Variants in BICRA observed in about 807,000 individuals in gnomAD.
BICRA encodes BRD4-interacting chromatin-remodeling complex-associated protein.
BICRA carries 31 observed loss-of-function variants against 96.9 expected under a neutral mutation model. The ratio of observed to expected loss-of-function variants is 0.32; its 90% CI spans 0.24 to 0.43. The LOEUF is 0.43. Ranked by LOEUF, BICRA falls within the 20% of genes least tolerant of loss-of-function variation. The pLI, the probability that BICRA is intolerant of heterozygous loss-of-function variation, is 1.00. For synonymous variants in BICRA, 1,350 were observed against 1,071.8 expected (o/e 1.26, Z -5.07); for missense variants, 2,283 against 2,190.3 (o/e 1.04, Z -0.84).
At chr19:47,631,242 T>G (rs1972217914) in intron 1 of BICRA, among the ~76,000 whole-genome samples, 1 of 152,034 alleles carries the variant, frequency 6.6e-6, no homozygotes, top group South Asian at 2.1e-4. Flanking sequence ...TATTTTATTT[T>G]TTTGAGACTG....
At chr19:47,638,983 G>A (rs1014526614) in intron 1 of BICRA, among the ~76,000 whole-genome samples, 14 of 151,648 alleles carry the variant, frequency 9.2e-5, no homozygotes, top group African/African-American at 2.7e-4. Context: ...TACCATTCTG[G>A]CCTTTGTTTT....
At chr19:47,685,786 T>TGTGTGTGC in intron 7 of BICRA, among the ~76,000 whole-genome samples, 3,586 of 117,748 alleles carry the variant, frequency 0.03, 90 homozygotes, top group East Asian at 0.096. Flanking sequence ...TGTGTGTGTG[T>TGTGTGTGC]GCGCGCGCGC....
intron 1 of BICRA, among the ~76,000 whole-genome samples, chr19:47,628,112 C>G (rs1020666278): frequency 6.6e-6 from 1 of 152,116 alleles, no homozygotes; most frequent in Non-Finnish European, 1.5e-5. Context: ...GAGTGACTGG[C>G]ACATGACAAC....
At chr19:47,610,937 A>G (rs976639234) in intron 1 of BICRA, among the ~76,000 whole-genome samples, 1 of 152,104 alleles carries the variant, frequency 6.6e-6, no homozygotes, top group African/African-American at 2.4e-5. Flanking sequence ...CCCGCTCAAG[A>G]TGGAAATATT....
rs780757390 is a variant in BICRA, at chr19:47,680,871, C to A, written c.1701C>A (p.Pro567=). The change falls in exon 6 of 15, where the codon CCC becomes CCA. Residue 567 remains proline, a synonymous_variant. Transcript: ENST00000594866. The stretch of plus-strand genomic sequence containing the variant: ...TGTCGCTGGCGGCGGGCAGCCTGCC[C>A]ACGCAGAGCCAGCCAGCGCCCGCCG... The part of the protein sequence containing the change: ...MPVSLAAGSL[P]TQSQPAPAGP... The A allele has an allele frequency of 6.6e-7, 1 of 1,520,492 alleles. No individual in the cohort carries two copies. Among genetic ancestry groups the A allele is most frequent in the Non-Finnish European group, 8.7e-7 (1 of 1,144,732 alleles). The allele number at this position is 1,520,492 out of a possible 1,614,324, so 94.2% of individuals were successfully genotyped here. A position where few individuals can be genotyped will look rare whatever the true frequency, so the allele number is the denominator to read the frequency against.
chr19:47,621,771 A>C (rs1972068597), intron 1 of BICRA, among the ~76,000 whole-genome samples: 2 of 150,702 alleles, frequency 1.3e-5, no homozygotes, highest in Admixed American at 6.6e-5. Context: ...ACCCGGCCTG[A>C]ATTGAGAGAC....
At chr19:47,611,877 T>C (rs1971912425) in intron 1 of BICRA, among the ~76,000 whole-genome samples, 1 of 151,984 alleles carries the variant, frequency 6.6e-6, no homozygotes, top group Non-Finnish European at 1.5e-5. Context: ...CATTTAATTT[T>C]TTTTTTTTTT....
In BICRA at chr19:47,701,820, T is replaced by C. The variant is rs1238110508; in HGVS notation, c.4088T>C (p.Val1363Ala). 1.3e-6 allele frequency: 2 copies of C among 1,530,778 alleles called. No individual in the cohort carries two copies. The highest frequency in any genetic ancestry group is 1.8e-6 in the Non-Finnish European group (2 of 1,142,550). The allele number at this position is 1,530,778 out of a possible 1,614,324, so 94.8% of individuals were successfully genotyped here. Residue 1363 changes from valine (V) to alanine (A), a missense_variant, in exon 15 of 15, where the codon GTG becomes GCG. Transcript: ENST00000594866. The surrounding 1 kb of genome is among the most constrained non-coding windows in gnomAD (Gnocchi z 5.4). ...CCCACGGGCCAGATGAACGGCACGG[T>C]GGACCACCCGCCGCCTGCCGCCCCC... ...PPPTGQMNGTVDHPPPAAPER... is the reference protein window; with the variant it reads ...PPPTGQMNGTADHPPPAAPER...
chr19:47,697,419 T>A lies in BICRA; in HGVS notation c.3248+907T>A, dbSNP rs1015502358. Among the ~76,000 whole-genome samples the A allele has an allele frequency of 4.6e-5, 7 of 152,122 alleles. No homozygotes were observed. The South Asian group carries it at 1.2e-3, about 27-fold the overall frequency. ...TCACCCAAAAAAAAAAAATTTTTTTTTATATATATTGTGGAGACAAGGTCT... is the reference window on the plus strand; with the variant it reads ...TCACCCAAAAAAAAAAAATTTTTTTATATATATATTGTGGAGACAAGGTCT... On this transcript the variant is annotated intron_variant, in intron 11 of 14. Coordinates refer to ENST00000594866, the MANE Select transcript of BICRA (RefSeq NM_001394372.1).
In BICRA at chr19:47,689,159, A is replaced by G. The variant is rs888061959; in HGVS notation, c.2284-4956A>G. Among the ~76,000 whole-genome samples the G allele has an allele frequency of 2.6e-5, 4 of 152,088 alleles. No individual in the cohort carries two copies. In the South Asian group the frequency reaches 6.2e-4, roughly 24 times the overall value. On this transcript the variant is annotated intron_variant, in intron 7 of 14. Transcript: ENST00000594866. ...GTTTTTTCTAAGACAAATATTGTAG[A>G]AGAAGTAATATTTTGGTATGAAGTT... is the stretch of plus-strand genomic sequence containing the variant.
At chr19:47,656,418 G>A (rs1972619907) in intron 1 of BICRA, among the ~76,000 whole-genome samples, 1 of 152,174 alleles carries the variant, frequency 6.6e-6, no homozygotes, top group Non-Finnish European at 1.5e-5. Context: ...ACACACATAA[G>A]CCAAGGTTTT....
chr19:47,699,286 C>CT lies in BICRA; in HGVS notation c.3493-13dup. 1 of 1,481,482 alleles carries CT rather than the reference C, an allele frequency of 6.7e-7. No homozygotes were observed. Among genetic ancestry groups the CT allele is most frequent in the Non-Finnish European group, 9.2e-7 (1 of 1,081,946 alleles). The allele number at this position is 1,481,482 out of a possible 1,614,324, so 91.8% of individuals were successfully genotyped here. On this transcript the variant is annotated splice_polypyrimidine_tract_variant and intron_variant, in intron 13 of 14. Coordinates refer to ENST00000594866, the MANE Select transcript of BICRA (RefSeq NM_001394372.1). The surrounding 1 kb of genome is among the most constrained non-coding windows in gnomAD (Gnocchi z 5.0). ...TCTTGCTGGTTCACTCGCACGTCGT[C>CT]TTTTCCCCCACCCCAGAGGGTGAGC...
At chr19:47,672,615 G>A (rs1282568518) in intron 2 of BICRA, among the ~76,000 whole-genome samples, 2 of 151,974 alleles carry the variant, frequency 1.3e-5, no homozygotes, top group African/African-American at 4.8e-5. Context: ...AGGGAAGGGA[G>A]GGATGTTTTG....
chr19:47,611,394 GGT>G (rs1971904976), intron 1 of BICRA, among the ~76,000 whole-genome samples: 1 of 152,162 alleles, frequency 6.6e-6, no homozygotes, highest in South Asian at 2.1e-4. Flanking sequence ...GAGAACTGAA[GGT>G]GTGTGAGGAG....
rs1330169306 is a variant in BICRA at position 47,701,932 on chromosome 19, G to A, written c.4200G>A (p.Ala1400=). Residue 1400 remains alanine (A), a synonymous_variant, in exon 15 of 15, where the codon GCG becomes GCA. Transcript: ENST00000594866. This position sits in a 1 kb window ranked among gnomAD's most constrained non-coding sequence, Gnocchi z 5.4. ...GCGAGAACGTGGGGGGCCCTGGCGC[G>A]CCGGAGGGGACGCCCGCAGGCAGGG... is the stretch of plus-strand genomic sequence containing the variant. ...TYRENVGGPG[A]PEGTPAGRAR... The A allele has an allele frequency of 3.5e-6, 5 of 1,433,748 alleles. No individual in the cohort carries two copies. Among genetic ancestry groups the A allele is most frequent in the Admixed American group, 3.1e-5 (1 of 32,230 alleles). The allele number at this position is 1,433,748 out of a possible 1,614,324, so 88.8% of individuals were successfully genotyped here. A position where few individuals can be genotyped will look rare whatever the true frequency, so the allele number is the denominator to read the frequency against.
In BICRA at chr19:47,634,145, C is replaced by T. The variant is rs150790272; in HGVS notation, c.-108+24977C>T. Among the ~76,000 whole-genome samples, 577 of 152,280 alleles carry T rather than the reference C, an allele frequency of 3.8e-3. 1 individual carries two copies. The highest frequency in any genetic ancestry group is 4.0e-3 in the Non-Finnish European group (269 of 68,012). ...ACTCAGCTCTCCAGTCCTTGCCAGA[C>T]GAGTGAGAATGAGCAGTGGCGTCAG... is the stretch of plus-strand genomic sequence containing the variant. On this transcript the variant is annotated intron_variant, in intron 1 of 14. Transcript: ENST00000594866.
chr19:47,696,153 G>T (rs1477651196), intron 10 of BICRA, among the ~76,000 whole-genome samples: 10 of 152,136 alleles, frequency 6.6e-5, no homozygotes, highest in Admixed American at 3.9e-4. Context: ...GCAGGCATCC[G>T]GCAGAGGAGG....
In BICRA at chr19:47,680,644, A is replaced by C; in HGVS notation, c.1474A>C (p.Asn492His). Reference protein sequence around the residue: ...LPQQLSALPANVGGQILAAAA... With the variant: ...LPQQLSALPAHVGGQILAAAA... ...GCAGCAGCTCTCAGCCCTGCCGGCCAACGTGGGCGGGCAGATCCTGGCGGC... is the reference window on the plus strand; with the variant it reads ...GCAGCAGCTCTCAGCCCTGCCGGCCCACGTGGGCGGGCAGATCCTGGCGGC... Residue 492 changes from asparagine to histidine, a missense_variant, in exon 6 of 15, where the codon AAC becomes CAC. By Grantham distance (68) the Asn-to-His change is moderately conservative. Transcript: ENST00000594866. 6.2e-7 allele frequency: 1 copy of C among 1,609,288 alleles called. No individual in the cohort carries two copies. The highest frequency in any genetic ancestry group is 8.5e-7 in the Non-Finnish European group (1 of 1,178,070).
chr19:47,701,818 G>T lies in BICRA; in HGVS notation c.4086G>T (p.Thr1362=). 1 of 1,532,698 alleles carries T rather than the reference G, an allele frequency of 6.5e-7. No homozygotes were observed. The allele number at this position is 1,532,698 out of a possible 1,614,324, so 94.9% of individuals were successfully genotyped here. The change falls in exon 15 of 15, where the codon ACG becomes ACT. Residue 1362 remains threonine (T), a synonymous_variant. Coordinates refer to ENST00000594866, the MANE Select transcript of BICRA (RefSeq NM_001394372.1). The surrounding 1 kb of genome is among the most constrained non-coding windows in gnomAD (Gnocchi z 5.4). Reference sequence around the variant, plus strand: ...CGCCCACGGGCCAGATGAACGGCACGGTGGACCACCCGCCGCCTGCCGCCC... The same window carrying T: ...CGCCCACGGGCCAGATGAACGGCACTGTGGACCACCCGCCGCCTGCCGCCC... The part of the protein sequence containing the change: ...PPPPTGQMNG[T]VDHPPPAAPE...
Sources: allele counts gnomAD v4.1 joint callset (sites outside exome capture counted in the v4.1 genomes callset), GRCh38; gene constraint gnomAD v4.1.1; non-coding constraint Gnocchi (gnomAD v3.1); transcripts MANE v1.5; gene names NCBI Gene and HGNC (gene_info 2026-07-23, HGNC 2026-07-21).